ACSL5: variants seen among roughly 807,000 people sequenced by gnomAD.
The protein encoded by ACSL5 is long-chain-fatty-acid--CoA ligase 5.
ACSL5 carries 50 observed loss-of-function variants against 84.9 expected under a neutral mutation model. That is an observed-to-expected ratio of 0.59 (90% CI 0.47 to 0.75). The LOEUF (loss-of-function observed/expected upper bound fraction) is 0.75. Among genes scored for constraint, ACSL5 ranks in the 30% least tolerant of loss-of-function variants. The pLI, the probability that ACSL5 is intolerant of heterozygous loss-of-function variation, is 0.00. For synonymous variants in ACSL5, 280 were observed against 300.7 expected (o/e 0.93, Z 0.71); for missense variants, 775 against 830.4 (o/e 0.93, Z 0.82).
chr10:112,378,831 C>T (rs764383460), intron 1 of ACSL5, among the ~76,000 whole-genome samples: 4 of 152,184 alleles, frequency 2.6e-5, no homozygotes, highest in Non-Finnish European at 5.9e-5. Context: ...TCCTCCCTGG[C>T]GCAGGGCCTG....
rs1844474819 is a variant in ACSL5 at position 112,421,930 on chromosome 10, A to C, written c.1388-17A>C. On this transcript the variant is annotated splice_polypyrimidine_tract_variant and intron_variant, in intron 15 of 20. Coordinates refer to ENST00000354655, the MANE Select transcript of ACSL5 (RefSeq NM_203379.2). ...CATGCAAGAGTTTCTCAGCTAATTC[A>C]GCACGGTATGTTCTAGGTCACGTTG... 6.2e-7 allele frequency: 1 copy of C among 1,612,526 alleles called. No homozygotes were observed. Among genetic ancestry groups the C allele is most frequent in the Admixed American group, 1.7e-5 (1 of 59,996 alleles).
intron 2 of ACSL5, among the ~76,000 whole-genome samples, chr10:112,396,686 TCA>T (rs140558643): frequency 1.7e-4 from 26 of 149,110 alleles, no homozygotes; most frequent in Admixed American, 8.0e-4. Flanking sequence ...TTTTCTCCCT[TCA>T]CACACACACA....
intron 2 of ACSL5, among the ~76,000 whole-genome samples, chr10:112,396,579 G>C (rs973055455): frequency 5.9e-5 from 9 of 152,028 alleles, no homozygotes; most frequent in African/African-American, 2.2e-4. Flanking sequence ...TTTATGACTT[G>C]AAAATGTGCC....
chr10:112,403,568 G>A (rs1035959342), intron 3 of ACSL5, among the ~76,000 whole-genome samples: 1 of 152,252 alleles, frequency 6.6e-6, no homozygotes, highest in East Asian at 1.9e-4. Flanking sequence ...TTACAGGCAT[G>A]AGCCACTGCG....
intron 2 of ACSL5, among the ~76,000 whole-genome samples, chr10:112,398,607 G>A (rs1025650274): frequency 3.3e-5 from 5 of 151,888 alleles, no homozygotes; most frequent in African/African-American, 9.7e-5. Flanking sequence ...GTTTCATCCT[G>A]TTGGTCAGGC....
chr10:112,405,537 A>G (rs967708873), intron 5 of ACSL5, among the ~76,000 whole-genome samples: 2 of 152,180 alleles, frequency 1.3e-5, no homozygotes, highest in Non-Finnish European at 2.9e-5. Context: ...ATATAAAAAT[A>G]TTCACCAACA....
intron 1 of ACSL5, among the ~76,000 whole-genome samples, chr10:112,381,101 A>G (rs1849340117): frequency 6.6e-6 from 1 of 152,128 alleles, no homozygotes; most frequent in African/African-American, 2.4e-5. Context: ...GAAAGAGACA[A>G]TTGGCAATAA....
In ACSL5 at chr10:112,422,358, T is replaced by G. The variant is rs1201632263; in HGVS notation, c.1510T>G (p.Tyr504Asp). The part of the protein sequence containing the change: ...CIKGTNVFKG[Y>D]LKDPEKTQEA... The stretch of plus-strand genomic sequence containing the variant: ...CAAGGGTACAAACGTGTTCAAAGGA[T>G]ACCTGAAGGACCCTGAGAAGACACA... Residue 504 changes from tyrosine to aspartate, a missense_variant, in exon 17 of 21, where the codon TAC becomes GAC. Tyr to Asp is a radical substitution (Grantham distance 160). Coordinates refer to ENST00000354655, the MANE Select transcript of ACSL5 (RefSeq NM_203379.2). 6.2e-7 allele frequency: 1 copy of G among 1,614,056 alleles called. No homozygotes were observed. Among genetic ancestry groups the G allele is most frequent in the African/African-American group, 1.3e-5 (1 of 74,910 alleles).
Position 112,422,436 on chromosome 10 carries a change from C to A in ACSL5, c.1588C>A (p.Leu530Ile). ...TCACACAGGAGACATTGGTCGCTGG[C>A]TCCCGGTAGGTATATCATCAGAACT... The part of the protein sequence containing the change: ...WLHTGDIGRW[L>I]PNGTLKIIDR... Residue 530 changes from leucine (L) to isoleucine (I), a missense_variant, in exon 17 of 21, where the codon CTC becomes ATC. Coordinates refer to ENST00000354655, the MANE Select transcript of ACSL5 (RefSeq NM_203379.2). The A allele has an allele frequency of 6.2e-7, 1 of 1,613,714 alleles. No homozygotes were observed. Among genetic ancestry groups the A allele is most frequent in the Non-Finnish European group, 8.5e-7 (1 of 1,179,694 alleles).
intron 6 of ACSL5, chr10:112,408,766 A>G (rs1392875393): frequency 6.8e-6 from 3 of 439,102 alleles, no homozygotes; most frequent in Non-Finnish European, 1.3e-5. Context: ...GTGACATGGT[A>G]TGATGATATA....
chr10:112,422,545 G>A (rs1844491721), intron 17 of ACSL5, 104 bp downstream of exon 17: 1 of 1,045,948 alleles, frequency 9.6e-7, no homozygotes, highest in Non-Finnish European at 1.4e-6. Flanking sequence ...AATCAGCTGA[G>A]GCAGCTGGAG....
In ACSL5 at chr10:112,411,954, C is replaced by G; in HGVS notation, c.923C>G (p.Ala308Gly). Residue 308 changes from alanine (A) to glycine (G), a missense_variant, in exon 11 of 21, where the codon GCT (alanine) becomes GGT (glycine). Transcript: ENST00000354655. Reference protein sequence around the residue: ...DDVAISYLPLAHMFERIVQAV... With the variant: ...DDVAISYLPLGHMFERIVQAV... ...GTGGCCATATCCTACCTCCCTCTGGCTCATATGTTTGAGAGGATTGTACAG... is the reference window on the plus strand; with the variant it reads ...GTGGCCATATCCTACCTCCCTCTGGGTCATATGTTTGAGAGGATTGTACAG... 1 of 1,613,910 alleles carries G rather than the reference C, an allele frequency of 6.2e-7. No individual in the cohort carries two copies. Among genetic ancestry groups the G allele is most frequent in the Non-Finnish European group, 8.5e-7 (1 of 1,179,762 alleles).
At chr10:112,422,166 T>C (rs1175428961) in intron 16 of ACSL5, 131 bp downstream of exon 16, 2 of 1,159,004 alleles carry the variant, frequency 1.7e-6, no homozygotes, top group African/African-American at 3.0e-5. Context: ...ATTCTGAACT[T>C]CACTTTCCTA....
intron 3 of ACSL5, among the ~76,000 whole-genome samples, chr10:112,402,739 A>G (rs907395592): frequency 4.0e-5 from 6 of 151,772 alleles, no homozygotes; most frequent in Admixed American, 3.3e-4. Context: ...ATTCCTAGTA[A>G]CTCTCTTTCT....
At chr10:112,426,711 C>T in intron 19 of ACSL5, 77 bp from the exon 20 acceptor site, 1 of 1,269,424 alleles carries the variant, frequency 7.9e-7, no homozygotes, top group Non-Finnish European at 1.2e-6. Context: ...CTTTGACAGG[C>T]ACTTTGAGTT....
chr10:112,413,563 TA>T (rs1440599535), intron 12 of ACSL5, among the ~76,000 whole-genome samples: 2 of 151,928 alleles, frequency 1.3e-5, no homozygotes, highest in Non-Finnish European at 1.5e-5. Context: ...CTGTATCTAC[TA>T]AAAATACAAA....
chr10:112,422,524 G>A, intron 17 of ACSL5, 83 bp downstream of exon 17: 1 of 1,341,600 alleles, frequency 7.5e-7, no homozygotes, highest in African/African-American at 1.4e-5. Context: ...GTGCAGAAAT[G>A]CAAGTAGGTT....
At position 112,417,934 on chromosome 10, in the gene ACSL5, G is replaced by A; in HGVS notation, c.1307G>A (p.Gly436Glu). Residue 436 changes from glycine (G) to glutamate (E), a missense_variant, in exon 14 of 21, where the codon GGA becomes GAA. Coordinates refer to ENST00000354655, the MANE Select transcript of ACSL5 (RefSeq NM_203379.2). ...SVMTFFRAAMGCQVYEAYGQT... is the reference protein window; with the variant it reads ...SVMTFFRAAMECQVYEAYGQT... ...ATGACATTCTTCCGGGCAGCAATGGGATGTCAGGTAAGCCAAGCACCTTCT... is the reference window on the plus strand; with the variant it reads ...ATGACATTCTTCCGGGCAGCAATGGAATGTCAGGTAAGCCAAGCACCTTCT... 1.2e-6 allele frequency: 2 copies of A among 1,605,020 alleles called. No homozygotes were observed. The highest frequency in any genetic ancestry group is 8.5e-7 in the Non-Finnish European group (1 of 1,175,508).
rs752300200 is a variant in ACSL5, at chr10:112,416,937, C to T, written c.1133C>T (p.Ala378Val). The T allele has an allele frequency of 1.2e-6, 2 of 1,614,042 alleles. No homozygotes were observed. Among genetic ancestry groups the T allele is most frequent in the Non-Finnish European group, 1.7e-6 (2 of 1,179,996 alleles). ...TTGAAGAAGTTCTTGTTGAAGCTGG[C>T]TGTTTCCAGTAAATTCAAAGAGCTT... The part of the protein sequence containing the change: ...TPLKKFLLKL[A>V]VSSKFKELQK... The change falls in exon 13 of 21, where the codon GCT becomes GTT. Residue 378 changes from alanine to valine, a missense_variant. By Grantham distance (64) the Ala-to-Val change is moderately conservative. Transcript: ENST00000354655.
Sources: allele counts gnomAD v4.1 joint callset (sites outside exome capture counted in the v4.1 genomes callset), GRCh38; gene constraint gnomAD v4.1.1; transcripts MANE v1.5; gene names NCBI Gene and HGNC (gene_info 2026-07-23, HGNC 2026-07-21).